Variants in NPFFR1 observed in about 807,000 individuals in gnomAD.
NPFFR1 encodes neuropeptide FF receptor 1.
A neutral mutation model predicts 12.7 loss-of-function variants in NPFFR1; 17 were observed. The observed-to-expected ratio is 1.34, with a 90% CI of 0.92 to 2.01. The LOEUF (loss-of-function observed/expected upper bound fraction) is 2.01. Ranked by LOEUF, NPFFR1 falls within the 30% of genes most tolerant of loss-of-function variation. The probability of loss-of-function intolerance (pLI) is 0.00; values close to 1 mark genes in which losing one functional copy is unlikely to be tolerated. For missense variants in NPFFR1, 604 were observed against 606.5 expected (o/e 1.00, Z 0.04); for synonymous variants, 296 against 264.5 (o/e 1.12, Z -1.16).
intron 2 of NPFFR1, among the ~76,000 whole-genome samples, chr10:70,265,180 G>T (rs1840676716): frequency 1.3e-5 from 2 of 152,306 alleles, no homozygotes; most frequent in South Asian, 2.1e-4. Context: ...GTGGGCTGTG[G>T]CTCCCTCTGC....
At chr10:70,257,895 G>A (rs187798288) in intron 3 of NPFFR1, among the ~76,000 whole-genome samples, 4 of 152,154 alleles carry the variant, frequency 2.6e-5, no homozygotes, top group African/African-American at 4.8e-5. Context: ...TCTGGCTTAC[G>A]TGCACGTCCA....
Position 70,248,214 on chromosome 10 carries a change from C to T in NPFFR1, c.*6743G>A, listed in dbSNP as rs888400755. On this transcript the variant is annotated 3_prime_UTR_variant, in exon 4 of 4. Coordinates refer to ENST00000277942, the MANE Select transcript of NPFFR1 (RefSeq NM_022146.5). Reference sequence around the variant, plus strand: ...CCTTCAGGACCTCCTGGTTATATAACCTCCAGTAAGTTACTTTACTTCTCT... The same window carrying T: ...CCTTCAGGACCTCCTGGTTATATAATCTCCAGTAAGTTACTTTACTTCTCT... The T allele has an allele frequency of 6.6e-6, 1 of 152,168 alleles. No homozygotes were observed. The highest frequency in any genetic ancestry group is 1.5e-5 in the Non-Finnish European group (1 of 68,044). The allele number at this position is 152,168 out of a possible 1,614,324, so 9.4% of individuals were successfully genotyped here.
intron 1 of NPFFR1, among the ~76,000 whole-genome samples, chr10:70,271,843 G>A (rs576596740): frequency 3.9e-5 from 6 of 152,012 alleles, no homozygotes; most frequent in East Asian, 1.9e-4. Context: ...CTGGCAGGGC[G>A]CGGTGGCTCA....
At position 70,254,848 on chromosome 10, in the gene NPFFR1, G is replaced by T; in HGVS notation, c.*109C>A. 1 of 1,227,074 alleles carries T rather than the reference G, an allele frequency of 8.1e-7. No homozygotes were observed. Among genetic ancestry groups the T allele is most frequent in the South Asian group, 2.6e-5 (1 of 39,012 alleles). The allele number at this position is 1,227,074 out of a possible 1,614,324, so 76.0% of individuals were successfully genotyped here. A position where few individuals can be genotyped will look rare whatever the true frequency, so the allele number is the denominator to read the frequency against. ...CTGCCCACCACTGCCTGGCTCTGGA[G>T]AGGGAGGGACCACGCATCCTCACCT... is the stretch of plus-strand genomic sequence containing the variant. On this transcript the variant is annotated 3_prime_UTR_variant, in exon 4 of 4. Transcript: ENST00000277942.
rs776412408 is a variant in NPFFR1 at position 70,260,681 on chromosome 10, C to T, written c.381G>A (p.Val127=). ...CCACCAGTGTGAAAACGGAAGCCGA[C>T]ACAGACATGCCCTGCACCAAGCCGC... The part of the protein sequence containing the change: ...KMSGLVQGMS[V]SASVFTLVAI... Residue 127 remains valine, a synonymous_variant, in exon 3 of 4, where the codon GTG becomes GTA. Transcript: ENST00000277942. 239 of 1,611,400 alleles carry T rather than the reference C, an allele frequency of 1.5e-4. No individual in the cohort carries two copies. The highest frequency in any genetic ancestry group is 1.9e-4 in the Non-Finnish European group (224 of 1,178,884).
At chr10:70,259,382 G>A (rs1235529501) in intron 3 of NPFFR1, among the ~76,000 whole-genome samples, 2 of 152,196 alleles carry the variant, frequency 1.3e-5, no homozygotes, top group African/African-American at 4.8e-5. Flanking sequence ...TGCAATAGCA[G>A]TAAATGGGTG....
rs960168460 is a variant in NPFFR1 at position 70,247,605 on chromosome 10, G to A, written c.*7352C>T. The A allele has an allele frequency of 3.9e-5, 6 of 152,204 alleles. No homozygotes were observed. The highest frequency in any genetic ancestry group is 1.2e-4 in the African/African-American group (5 of 41,458). 9.4% of individuals were successfully genotyped at this position (152,204 alleles called of 1,614,324 possible). ...CGAAAGGAAGACAGGGTGGTGATGG[G>A]GGGAGAGTGATTACTCCTCAAACAG... On this transcript the variant is annotated 3_prime_UTR_variant, in exon 4 of 4. Coordinates refer to ENST00000277942, the MANE Select transcript of NPFFR1 (RefSeq NM_022146.5).
In NPFFR1 at chr10:70,255,080, G is replaced by A; in HGVS notation, c.1170C>T (p.Ser390=). 1.4e-6 allele frequency: 2 copies of A among 1,457,196 alleles called. No homozygotes were observed. Among genetic ancestry groups the A allele is most frequent in the South Asian group, 1.4e-5 (1 of 69,312 alleles). 90.3% of individuals were successfully genotyped at this position (1,457,196 alleles called of 1,614,324 possible). A position where few individuals can be genotyped will look rare whatever the true frequency, so the allele number is the denominator to read the frequency against. ...DSGLPSESGP[S]SGAPRPGRLP... ...GGCGGCCGGGCCTGGGGGCCCCACT[G>A]CTAGGGCCCGACTCAGAGGGCAGCC... Residue 390 remains serine, a synonymous_variant, in exon 4 of 4, where the codon AGC becomes AGT. Transcript: ENST00000277942. The surrounding 1 kb of genome is among the most constrained non-coding windows in gnomAD (Gnocchi z 4.2).
intron 1 of NPFFR1, among the ~76,000 whole-genome samples, chr10:70,281,046 A>G (rs537176535): frequency 6.6e-6 from 1 of 152,322 alleles, no homozygotes; most frequent in Non-Finnish European, 1.5e-5. Flanking sequence ...GCACCGCAAA[A>G]GAGAGAGTAA....
rs10999235 is a variant in NPFFR1 at position 70,279,756 on chromosome 10, T to A, written c.7+3914A>T. 7.2e-3 allele frequency among the ~76,000 whole-genome samples: 1,092 copies of A among 152,302 alleles called. 8 individuals carry two copies. The highest frequency in any genetic ancestry group is 0.025 in the African/African-American group (1,028 of 41,562). On this transcript the variant is annotated intron_variant, in intron 1 of 3. Transcript: ENST00000277942. ...GATTACAGGCATGAGCCACTGCACA[T>A]GGCCCTCTTGGCAATTTTGAAATGT...
At chr10:70,267,002 T>C (rs1258190100) in intron 1 of NPFFR1, among the ~76,000 whole-genome samples, 4 of 152,216 alleles carry the variant, frequency 2.6e-5, no homozygotes, top group African/African-American at 7.2e-5. Context: ...CCCTGGGTGC[T>C]TCACCGTTTC....
At position 70,255,341 on chromosome 10, in the gene NPFFR1, C is replaced by A; in HGVS notation, c.909G>T (p.Leu303=). 6.4e-7 allele frequency: 1 copy of A among 1,572,884 alleles called. No homozygotes were observed. The highest frequency in any genetic ancestry group is 1.3e-5 in the African/African-American group (1 of 74,298). The change falls in exon 4 of 4, where the codon CTG becomes CTT. Residue 303 remains leucine (L), a synonymous_variant. Coordinates refer to ENST00000277942, the MANE Select transcript of NPFFR1 (RefSeq NM_022146.5). The surrounding 1 kb of genome is among the most constrained non-coding windows in gnomAD (Gnocchi z 4.2). ...IDYGQLSAPQ[L]HLVTVYAFPF... is the part of the protein sequence containing the mutation. ...GGAAGGCGTAGACGGTGACCAGGTG[C>A]AGCTGCGGCGCGCTGAGCTGCCCGT...
At chr10:70,260,871 C>T (rs777409797) in intron 2 of NPFFR1, 132 bp from the exon 3 acceptor site, 146 of 743,836 alleles carry the variant, frequency 2.0e-4, no homozygotes, top group Admixed American at 4.6e-4. Context: ...TATCTGGTCT[C>T]TGCTTGCAGA....
intron 2 of NPFFR1, among the ~76,000 whole-genome samples, chr10:70,264,891 G>A (rs1259598440): frequency 6.6e-6 from 1 of 152,202 alleles, no homozygotes; most frequent in East Asian, 1.9e-4. Context: ...AAAAGATGGG[G>A]AGACGCCACC....
chr10:70,274,355 A>G (rs1053144895), intron 1 of NPFFR1, among the ~76,000 whole-genome samples: 4 of 152,186 alleles, frequency 2.6e-5, no homozygotes, highest in Non-Finnish European at 5.9e-5. Flanking sequence ...AGGCTGAGGC[A>G]GGAGAATTGC....
At position 70,249,358 on chromosome 10, in the gene NPFFR1, C is replaced by A. The variant is rs1401627456; in HGVS notation, c.*5599G>T. ...AGGTTGCAGTGAGCCAAAATCACGTCATTGCACTCCAGCCTGGGCAACAAA... is the reference window on the plus strand; with the variant it reads ...AGGTTGCAGTGAGCCAAAATCACGTAATTGCACTCCAGCCTGGGCAACAAA... On this transcript the variant is annotated 3_prime_UTR_variant, in exon 4 of 4. Transcript: ENST00000277942. 1.3e-5 allele frequency: 2 copies of A among 149,664 alleles called. No individual in the cohort carries two copies. The highest frequency in any genetic ancestry group is 4.9e-5 in the African/African-American group (2 of 40,604). 9.3% of individuals were successfully genotyped at this position (149,664 alleles called of 1,614,324 possible).
intron 1 of NPFFR1, among the ~76,000 whole-genome samples, chr10:70,272,171 G>A (rs550249244): frequency 8.2e-6 from 1 of 121,534 alleles, no homozygotes; most frequent in Non-Finnish European, 1.8e-5. Flanking sequence ...GAGAAAGAAA[G>A]AAAGAAGGGA....
At chr10:70,278,197 C>T (rs1407904558) in intron 1 of NPFFR1, among the ~76,000 whole-genome samples, 1 of 152,034 alleles carries the variant, frequency 6.6e-6, no homozygotes, top group African/African-American at 2.4e-5. Context: ...AAGAGTGAGC[C>T]CCTGTCCCCA....
chr10:70,260,105 C>T (rs895078588), intron 3 of NPFFR1, among the ~76,000 whole-genome samples: 1 of 152,204 alleles, frequency 6.6e-6, no homozygotes, highest in Non-Finnish European at 1.5e-5. Flanking sequence ...TACCTTTGGC[C>T]ACATGATAGA....
Sources: allele counts gnomAD v4.1 joint callset (sites outside exome capture counted in the v4.1 genomes callset), GRCh38; gene constraint gnomAD v4.1.1; non-coding constraint Gnocchi (gnomAD v3.1); transcripts MANE v1.5; gene names NCBI Gene and HGNC (gene_info 2026-07-23, HGNC 2026-07-21).